NUP98: variants seen among roughly 807,000 people sequenced by gnomAD.
NUP98 encodes the protein nucleoporin 98 and 96 precursor.
A neutral mutation model predicts 191.9 loss-of-function variants in NUP98; 26 were observed. The ratio of observed to expected loss-of-function variants is 0.14; its 90% CI spans 0.10 to 0.19. NUP98 has a LOEUF of 0.19. Among genes scored for constraint, NUP98 ranks in the 10% least tolerant of loss-of-function variants. The probability of loss-of-function intolerance (pLI) is 1.00; values close to 1 mark genes in which losing one functional copy is unlikely to be tolerated. For missense variants in NUP98, 1,941 were observed against 2,178.8 expected, an observed-to-expected ratio of 0.89 and a Z score of 2.17; for synonymous variants, 808 against 778.4, an observed-to-expected ratio of 1.04 and a Z score of -0.63.
At chr11:3,784,606 C>CCAA (rs2082081886) in intron 1 of NUP98, among the ~76,000 whole-genome samples, 1 of 93,528 alleles carries the variant, frequency 1.1e-5, no homozygotes, top group Non-Finnish European at 2.7e-5. Flanking sequence ...CAAAAAAAAA[C>CCAA]AAAAAACATG....
Position 3,675,536 on chromosome 11 carries a change from T to C in NUP98, c.*623A>G, listed in dbSNP as rs2077781046. 1 of 233,984 alleles carries C rather than the reference T, an allele frequency of 4.3e-6. No homozygotes were observed. Among genetic ancestry groups the C allele is most frequent in the East Asian group, 6.2e-5 (1 of 16,120 alleles). 14.5% of individuals were successfully genotyped at this position (233,984 alleles called of 1,614,324 possible). ...CAAAGGTATGGTGTTCATGGAACTC[T>C]AAAGGCAGGAACAAAAACAGCCCTG... is the stretch of plus-strand genomic sequence containing the variant. On this transcript the variant is annotated 3_prime_UTR_variant, in exon 33 of 33. Transcript: ENST00000324932.
intron 32 of NUP98, 48 bp from the exon 33 acceptor site, chr11:3,676,424 G>T (rs1476656803): frequency 6.2e-7 from 1 of 1,607,554 alleles, no homozygotes; most frequent in Admixed American, 1.7e-5. Flanking sequence ...GTCTGGAGAA[G>T]GGTGGTAGGC....
rs1220617361 is a variant in NUP98 at position 3,738,051 on chromosome 11, G to A, written c.1409-2727C>T. ...CTGACCTGTCTTAGTTGATCCCATC[G>A]TTTAACAAGTACAAATCATTCTACC... On this transcript the variant is annotated intron_variant, in intron 12 of 32. Coordinates refer to ENST00000324932, the MANE Select transcript of NUP98 (RefSeq NM_016320.5). Among the ~76,000 whole-genome samples the A allele has an allele frequency of 7.4e-5, 9 of 121,082 alleles. No homozygotes were observed. The East Asian group carries it at 1.5e-3, about 20-fold the overall frequency. 79.4% of individuals were successfully genotyped at this position (121,082 alleles called of 152,430 possible). A position where few individuals can be genotyped will look rare whatever the true frequency, so the allele number is the denominator to read the frequency against.
Position 3,797,265 on chromosome 11 carries a change from C to G in NUP98, c.-29+135G>C, listed in dbSNP as rs2082696047. 1.5e-5 allele frequency: 6 copies of G among 396,940 alleles called. No individual in the cohort carries two copies. The Admixed American group carries it at 2.7e-4, about 18-fold the overall frequency. 24.6% of individuals were successfully genotyped at this position (396,940 alleles called of 1,614,324 possible). A position where few individuals can be genotyped will look rare whatever the true frequency, so the allele number is the denominator to read the frequency against. On this transcript the variant is annotated intron_variant, in intron 1 of 32. Coordinates refer to ENST00000324932, the MANE Select transcript of NUP98 (RefSeq NM_016320.5). The stretch of plus-strand genomic sequence containing the variant: ...CCCGGGTCCTCAGCACCGCCCCTCT[C>G]TCAGGCCAGAAGGTGCGCGCAGCGG...
intron 7 of NUP98, among the ~76,000 whole-genome samples, chr11:3,770,788 C>T (rs1037520448): frequency 6.6e-6 from 1 of 152,140 alleles, no homozygotes; most frequent in Non-Finnish European, 1.5e-5. Flanking sequence ...TCTTTCACAT[C>T]CCACATTAAA....
rs975522856 is a variant in NUP98 at position 3,795,399 on chromosome 11, T to C, written c.-29+2001A>G. ...AGGTAGAGGCTACTGTGAACCGAGA[T>C]TGCGCCACTGCACTCTAGCCTGGGT... is the stretch of plus-strand genomic sequence containing the variant. On this transcript the variant is annotated intron_variant, in intron 1 of 32. Transcript: ENST00000324932. Among the ~76,000 whole-genome samples the C allele has an allele frequency of 8.5e-5, 13 of 152,252 alleles. No individual in the cohort carries two copies. In the East Asian group the frequency reaches 2.1e-3, roughly 25 times the overall value.
At chr11:3,783,318 G>A (rs1038944588) in intron 1 of NUP98, among the ~76,000 whole-genome samples, 3 of 152,172 alleles carry the variant, frequency 2.0e-5, no homozygotes, top group African/African-American at 7.2e-5. Flanking sequence ...AGCCCAGAAG[G>A]TGGAGGTTGC....
chr11:3,683,449 G>C lies in NUP98; in HGVS notation c.4677-8C>G, dbSNP rs1195443627. 6.2e-7 allele frequency: 1 copy of C among 1,613,928 alleles called. No homozygotes were observed. The highest frequency in any genetic ancestry group is 1.7e-5 in the Admixed American group (1 of 59,998). On this transcript the variant is annotated splice_polypyrimidine_tract_variant and splice_region_variant and intron_variant, in intron 29 of 32. Coordinates refer to ENST00000324932, the MANE Select transcript of NUP98 (RefSeq NM_016320.5). The stretch of plus-strand genomic sequence containing the variant: ...ACAGCCTTCTCACGTATGCTACAGG[G>C]AGAGATAAGCTAGAATAAATCCCAT...
chr11:3,714,981 C>T (rs966331100), intron 18 of NUP98: 12 of 152,130 alleles, frequency 7.9e-5, no homozygotes, highest in Admixed American at 7.9e-4. Context: ...TGAGATCCTG[C>T]TTTCAATTTT....
chr11:3,797,388 C>T lies in NUP98; in HGVS notation c.-29+12G>A. On this transcript the variant is annotated intron_variant, in intron 1 of 32. Transcript: ENST00000324932. ...CCGGTCTCGGCCGCTGCAGCTCGGGCTCCCGACTTACCGCGGTTCGGTGGG... is the reference window on the plus strand; with the variant it reads ...CCGGTCTCGGCCGCTGCAGCTCGGGTTCCCGACTTACCGCGGTTCGGTGGG... The T allele has an allele frequency of 2.5e-6, 1 of 403,514 alleles. No homozygotes were observed. Among genetic ancestry groups the T allele is most frequent in the Non-Finnish European group, 4.4e-6 (1 of 228,750 alleles). 25.0% of individuals were successfully genotyped at this position (403,514 alleles called of 1,614,324 possible). A position where few individuals can be genotyped will look rare whatever the true frequency, so the allele number is the denominator to read the frequency against.
intron 30 of NUP98, among the ~76,000 whole-genome samples, chr11:3,682,938 A>G (rs956488833): frequency 6.6e-6 from 1 of 152,196 alleles, no homozygotes; most frequent in African/African-American, 2.4e-5. Context: ...AATTCCCATA[A>G]GTAAACAAAT....
In NUP98 at chr11:3,760,639, G is replaced by A; in HGVS notation, c.1087-13C>T. 1 of 1,602,394 alleles carries A rather than the reference G, an allele frequency of 6.2e-7. No individual in the cohort carries two copies. Among genetic ancestry groups the A allele is most frequent in the Non-Finnish European group, 8.5e-7 (1 of 1,173,868 alleles). ...TGCCAAACAGGGTCTAAAAAGAATA[G>A]AATACAGGAAAATTTAAAATAATAT... On this transcript the variant is annotated splice_polypyrimidine_tract_variant and intron_variant, in intron 9 of 32. Coordinates refer to ENST00000324932, the MANE Select transcript of NUP98 (RefSeq NM_016320.5).
chr11:3,766,507 T>G (rs1290106029), intron 8 of NUP98, among the ~76,000 whole-genome samples: 1 of 151,876 alleles, frequency 6.6e-6, no homozygotes, highest in Admixed American at 6.6e-5. Context: ...CTGACCAACA[T>G]AGTGAAACCC....
chr11:3,694,243 C>T (rs562306185), intron 26 of NUP98, among the ~76,000 whole-genome samples: 15 of 151,434 alleles, frequency 9.9e-5, no homozygotes, highest in East Asian at 9.7e-4. Context: ...TGGTGGCAGG[C>T]GCCTGTAATC....
chr11:3,775,843 G>A, intron 5 of NUP98, 39 bp downstream of exon 5: 3 of 1,594,430 alleles, frequency 1.9e-6, no homozygotes, highest in Non-Finnish European at 2.6e-6. Flanking sequence ...TATACATGCG[G>A]GAAAAAACAT....
chr11:3,757,403 C>G (rs995032420), intron 10 of NUP98, among the ~76,000 whole-genome samples: 3 of 151,762 alleles, frequency 2.0e-5, no homozygotes, highest in Non-Finnish European at 4.4e-5. Flanking sequence ...GGGAGGATCA[C>G]TTGAGCCCAG....
chr11:3,709,847 T>C (rs1272499500), intron 20 of NUP98, among the ~76,000 whole-genome samples: 9 of 122,118 alleles, frequency 7.4e-5, no homozygotes, highest in East Asian at 3.0e-4. Context: ...GGGGAGGGTA[T>C]AGCTTTAGGA....
At chr11:3,719,260 C>T (rs2079303666) in intron 18 of NUP98, 152 bp downstream of exon 18, 1 of 517,768 alleles carries the variant, frequency 1.9e-6, no homozygotes, top group Admixed American at 3.7e-5. Flanking sequence ...CATTTCTTTG[C>T]CATTTATACT....
chr11:3,729,108 T>A (rs2079734057), intron 14 of NUP98, among the ~76,000 whole-genome samples: 1 of 152,138 alleles, frequency 6.6e-6, no homozygotes, highest in Non-Finnish European at 1.5e-5. Flanking sequence ...TACAAGAATC[T>A]TTAGTTTGGT....
Sources: allele counts gnomAD v4.1 joint callset (sites outside exome capture counted in the v4.1 genomes callset), GRCh38; gene constraint gnomAD v4.1.1; transcripts MANE v1.5; gene names NCBI Gene and HGNC (gene_info 2026-07-23, HGNC 2026-07-21).